The following TESK2 variants were observed in gnomAD, a reference collection of about 807,000 sequenced individuals.
The protein encoded by TESK2 is dual specificity testis-specific protein kinase 2.
In TESK2, 39 loss-of-function variants were observed where a neutral mutation model predicts 57.1. That is an observed-to-expected ratio of 0.68 (90% CI 0.53 to 0.89). The LOEUF (loss-of-function observed/expected upper bound fraction) is 0.89, where lower values mean the gene tolerates loss of function less well. Ranked by LOEUF, TESK2 falls within the 40% of genes least tolerant of loss-of-function variation. The probability of loss-of-function intolerance (pLI) is 0.00; values close to 1 mark genes in which losing one functional copy is unlikely to be tolerated. For missense variants in TESK2, 646 were observed against 732.1 expected (o/e 0.88, Z 1.36); for synonymous variants, 249 against 267.9 (o/e 0.93, Z 0.69).
chr1:45,368,657 G>A (rs1648052727), intron 4 of TESK2, among the ~76,000 whole-genome samples: 1 of 151,896 alleles, frequency 6.6e-6, no homozygotes, highest in Non-Finnish European at 1.5e-5. Flanking sequence ...TTACAGGCAT[G>A]AGCCACCGCA....
At chr1:45,480,531 CACATTCAA>C (rs976670680) in intron 1 of TESK2, among the ~76,000 whole-genome samples, 6 of 150,826 alleles carry the variant, frequency 4.0e-5, no homozygotes, top group African/African-American at 1.2e-4. Context: ...TATAAAATGA[CACATTCAA>C]AGGCCCTTTT....
At chr1:45,423,856 CTT>C (rs1274084379) in intron 2 of TESK2, among the ~76,000 whole-genome samples, 1 of 152,174 alleles carries the variant, frequency 6.6e-6, no homozygotes, top group African/African-American at 2.4e-5. Flanking sequence ...AACCATAACA[CTT>C]TACTTGAGAA....
chr1:45,406,616 A>C (rs12758875), intron 3 of TESK2, among the ~76,000 whole-genome samples: 1 of 152,106 alleles, frequency 6.6e-6, no homozygotes. Context: ...GATCACACCC[A>C]CTGCACTCCA....
intron 4 of TESK2, 65 bp from the exon 5 acceptor site, chr1:45,355,514 T>C (rs942465787): frequency 4.6e-6 from 7 of 1,536,362 alleles, no homozygotes; most frequent in Non-Finnish European, 6.1e-6. Flanking sequence ...GGTGAAACCA[T>C]TAGAGAGTAA....
chr1:45,385,866 T>A (rs757327988), intron 4 of TESK2, 46 bp downstream of exon 4: 1 of 1,452,816 alleles, frequency 6.9e-7, no homozygotes, highest in South Asian at 1.2e-5. Context: ...CTATAAATGC[T>A]GAAACTAAGG....
chr1:45,391,917 T>C lies in TESK2; in HGVS notation c.345-5957A>G, dbSNP rs546804214. 5.9e-5 allele frequency among the ~76,000 whole-genome samples: 9 copies of C among 152,342 alleles called. No individual in the cohort carries two copies. The South Asian group carries it at 1.9e-3, about 32-fold the overall frequency. On this transcript the variant is annotated intron_variant, in intron 3 of 10. Coordinates refer to ENST00000372086, the MANE Select transcript of TESK2 (RefSeq NM_007170.3). ...ATGACCTCTCTGCAATTCAGTTTCTTCACATGCAAAATGTAAATATTAATA... is the reference window on the plus strand; with the variant it reads ...ATGACCTCTCTGCAATTCAGTTTCTCCACATGCAAAATGTAAATATTAATA...
chr1:45,441,371 T>C (rs985807204), intron 2 of TESK2, among the ~76,000 whole-genome samples: 32 of 151,972 alleles, frequency 2.1e-4, no homozygotes, highest in Admixed American at 1.1e-3. Flanking sequence ...GGTTTTGCCA[T>C]TCGCCATGTT....
At chr1:45,377,891 T>G (rs1414839957) in intron 4 of TESK2, among the ~76,000 whole-genome samples, 1 of 151,702 alleles carries the variant, frequency 6.6e-6, no homozygotes, top group African/African-American at 2.4e-5. Flanking sequence ...CTGGGTGTGG[T>G]GGTGTGCGCC....
intron 4 of TESK2, among the ~76,000 whole-genome samples, chr1:45,360,040 C>A (rs1007247005): frequency 8.5e-5 from 13 of 152,132 alleles, no homozygotes; most frequent in African/African-American, 3.1e-4. Flanking sequence ...GAAAGAATGA[C>A]TAAAAATAAA....
chr1:45,457,479 C>G, intron 2 of TESK2, 85 bp downstream of exon 2: 1 of 1,284,798 alleles, frequency 7.8e-7, no homozygotes, highest in Non-Finnish European at 1.1e-6. Flanking sequence ...TAGGCAAATC[C>G]TACATCCTAA....
chr1:45,385,290 G>T, intron 4 of TESK2: 1 of 981,788 alleles, frequency 1.0e-6, no homozygotes, highest in South Asian at 4.7e-5. Context: ...TGATAACTTG[G>T]TACCTGAATT....
At chr1:45,424,494 A>G (rs977889041) in intron 2 of TESK2, among the ~76,000 whole-genome samples, 3 of 152,240 alleles carry the variant, frequency 2.0e-5, no homozygotes. Flanking sequence ...GACTGATGAA[A>G]GAGAAGTAGC....
chr1:45,464,144 T>A (rs1469271792), intron 1 of TESK2, among the ~76,000 whole-genome samples: 1 of 152,204 alleles, frequency 6.6e-6, no homozygotes, highest in African/African-American at 2.4e-5. Flanking sequence ...TTTAACAATA[T>A]CGATTCTTTC....
At chr1:45,446,459 G>A (rs530672012) in intron 2 of TESK2, among the ~76,000 whole-genome samples, 7 of 151,544 alleles carry the variant, frequency 4.6e-5, no homozygotes, top group Admixed American at 2.0e-4. Flanking sequence ...AGACCCTGTC[G>A]TCTCTAAAAA....
chr1:45,391,264 C>T (rs568698755), intron 3 of TESK2, among the ~76,000 whole-genome samples: 4 of 142,366 alleles, frequency 2.8e-5, no homozygotes, highest in African/African-American at 1.1e-4. Flanking sequence ...GTTGTCCAGG[C>T]TGGAGTACAA....
chr1:45,472,251 CAAA>C (rs10605872), intron 1 of TESK2, among the ~76,000 whole-genome samples: 22 of 123,782 alleles, frequency 1.8e-4, no homozygotes, highest in Non-Finnish European at 2.4e-4. Flanking sequence ...GACTCCATCT[CAAA>C]AAAAAAAAAA....
chr1:45,465,828 T>C (rs543898377), intron 1 of TESK2, among the ~76,000 whole-genome samples: 1 of 152,254 alleles, frequency 6.6e-6, no homozygotes, highest in South Asian at 2.1e-4. Context: ...CTGTGGCATA[T>C]TACTCAATAA....
rs143420140 is a variant in TESK2, at chr1:45,353,541, C to T, written c.540+1762G>A. The stretch of plus-strand genomic sequence containing the variant: ...CTTTTTCTTAAGATGGGCTCCCTTC[C>T]CCTCCCCTTCATCTGGGGCAGAAGG... On this transcript the variant is annotated intron_variant, in intron 5 of 10. Transcript: ENST00000372086. Among the ~76,000 whole-genome samples the T allele has an allele frequency of 2.2e-3, 335 of 152,298 alleles. 5 individuals are homozygous for T. Among genetic ancestry groups the T allele is most frequent in the African/African-American group, 7.7e-3 (322 of 41,564 alleles).
rs1256296049 is a variant in TESK2, at chr1:45,345,006, A to G, written c.1550T>C (p.Ile517Thr). 2 of 1,614,146 alleles carry G rather than the reference A, an allele frequency of 1.2e-6. No homozygotes were observed. Among genetic ancestry groups the G allele is most frequent in the East Asian group, 2.2e-5 (1 of 44,902 alleles). The change falls in exon 11 of 11, where the codon ATT becomes ACT. Residue 517 changes from isoleucine to threonine, a missense_variant. Ile to Thr is a moderately conservative substitution (Grantham distance 89). Transcript: ENST00000372086. ...AQAHEAMDCS[I>T]LQEENGFGSR... ...CCCAAAACCATTTTCTTCCTGGAGA[A>G]TGGAGCAGTCCATAGCCTCATGGGC...
Sources: gnomAD v4.1 joint callset for allele counts (sites outside exome capture counted in the v4.1 genomes callset) on GRCh38, gnomAD v4.1.1 for gene constraint, MANE v1.5 for transcripts, NCBI Gene and HGNC (gene_info 2026-07-23, HGNC 2026-07-21) for gene names.